HELZ: variants seen among roughly 807,000 people sequenced by gnomAD.
The protein encoded by HELZ is helicase with zinc finger.
Under a neutral mutation model 218.2 loss-of-function variants are expected in HELZ, and 23 were observed. The observed-to-expected ratio is 0.11, with a 90% CI of 0.08 to 0.15. The LOEUF (loss-of-function observed/expected upper bound fraction) is 0.15, where lower values mean the gene tolerates loss of function less well. Among genes scored for constraint, HELZ ranks in the 10% least tolerant of loss-of-function variants. HELZ has a pLI of 1.00. For synonymous variants in HELZ, 814 were observed against 829.4 expected, an observed-to-expected ratio of 0.98 and a Z score of 0.32; for missense variants, 1,813 against 2,353.7, an observed-to-expected ratio of 0.77 and a Z score of 4.75.
At position 67,078,179 on chromosome 17, in the gene HELZ, A is replaced by G. The variant is rs2036072706; in HGVS notation, c.*73T>C. ...AAAGGGAACTGTGCATCTATAGATGAAGTCCAACTACCTTAATTCTACTGA... is the reference window on the plus strand; with the variant it reads ...AAAGGGAACTGTGCATCTATAGATGGAGTCCAACTACCTTAATTCTACTGA... On this transcript the variant is annotated 3_prime_UTR_variant, in exon 33 of 33. Transcript: ENST00000358691. 1 of 1,007,456 alleles carries G rather than the reference A, an allele frequency of 9.9e-7. No individual in the cohort carries two copies. Among genetic ancestry groups the G allele is most frequent in the African/African-American group, 1.6e-5 (1 of 62,096 alleles). 62.4% of individuals were successfully genotyped at this position (1,007,456 alleles called of 1,614,324 possible).
intron 32 of HELZ, among the ~76,000 whole-genome samples, chr17:67,084,285 A>AT (rs2143560256): frequency 6.6e-6 from 1 of 152,346 alleles, no homozygotes; most frequent in African/African-American, 2.4e-5. Flanking sequence ...TGACATGAGC[A>AT]TTTGCTCAGG....
At chr17:67,238,210 G>A (rs375196984) in intron 3 of HELZ, among the ~76,000 whole-genome samples, 2 of 151,212 alleles carry the variant, frequency 1.3e-5, no homozygotes, top group South Asian at 4.2e-4. Flanking sequence ...GCCAGGCATG[G>A]TGGCAGGCAC....
intron 31 of HELZ, among the ~76,000 whole-genome samples, chr17:67,092,340 C>A (rs1297409706): frequency 6.6e-6 from 1 of 152,042 alleles, no homozygotes; most frequent in South Asian, 2.1e-4. Flanking sequence ...ATAGCTACCC[C>A]CCAAGAAGGG....
At position 67,148,617 on chromosome 17, in the gene HELZ, C is replaced by T; in HGVS notation, c.2573G>A (p.Cys858Tyr). ...LYEHYPAEFP[C>Y]RILLCENYRS... ...GTAGTTCTCACACAGGAGAATCCTA[C>T]ATGGGAACTCAGCAGGGTAATGCTC... Residue 858 changes from cysteine (C) to tyrosine (Y), a missense_variant, in exon 20 of 33, where the codon TGT becomes TAT. Around this residue, in one of 4 missense-constraint regions of HELZ, gnomAD observed 714 missense variants for 1,029.2 expected, o/e 0.69. Coordinates refer to ENST00000358691, the MANE Select transcript of HELZ (RefSeq NM_014877.4). The T allele has an allele frequency of 6.2e-7, 1 of 1,613,774 alleles. No homozygotes were observed. The highest frequency in any genetic ancestry group is 8.5e-7 in the Non-Finnish European group (1 of 1,179,826).
At chr17:67,203,926 G>T (rs2040232918) in intron 5 of HELZ, among the ~76,000 whole-genome samples, 2 of 152,250 alleles carry the variant, frequency 1.3e-5, no homozygotes, top group African/African-American at 4.8e-5. Context: ...ATTGCCCAGT[G>T]GCCACAGAAA....
chr17:67,203,334 G>A lies in HELZ; in HGVS notation c.357C>T (p.Leu119=). 2 of 1,614,050 alleles carry A rather than the reference G, an allele frequency of 1.2e-6. No individual in the cohort carries two copies. The change falls in exon 6 of 33, where the codon CTC becomes CTT. Residue 119 remains leucine, a synonymous_variant. Transcript: ENST00000358691. ...ATCAACATACCAGGGACTCTCCTGT[G>A]AGTGACTTGGCAAGAATGGTGGATA... The part of the protein sequence containing the change: ...QPVSTILAKS[L]TGESLNGMVT...
At position 67,125,286 on chromosome 17, in the gene HELZ, CTATATATATATA is replaced by C. The variant is rs57513241; in HGVS notation, c.3388-1284_3388-1273del. On this transcript the variant is annotated intron_variant, in intron 24 of 32. Coordinates refer to ENST00000358691, the MANE Select transcript of HELZ (RefSeq NM_014877.4). ...GCATGTTCACAGTGATTGGCACCAACTATATATATATATATATATATATATATATATATATAT... is the reference window on the plus strand; with the variant it reads ...GCATGTTCACAGTGATTGGCACCAACTATATATATATATATATATATATAT... 1.8e-3 allele frequency among the ~76,000 whole-genome samples: 124 copies of C among 70,110 alleles called. 2 individuals are homozygous for C. Among genetic ancestry groups the C allele is most frequent in the African/African-American group, 5.6e-3 (72 of 12,784 alleles). The allele number at this position is 70,110 out of a possible 152,430, so 46.0% of individuals were successfully genotyped here.
At chr17:67,193,726 A>C (rs1408767217) in intron 9 of HELZ, among the ~76,000 whole-genome samples, 1 of 152,188 alleles carries the variant, frequency 6.6e-6, no homozygotes, top group Non-Finnish European at 1.5e-5. Context: ...AAAAAAAATA[A>C]ATAGATAAAA....
At chr17:67,145,696 G>C in intron 21 of HELZ, 47 bp downstream of exon 21, 3 of 1,478,606 alleles carry the variant, frequency 2.0e-6, no homozygotes, top group Non-Finnish European at 2.8e-6. Context: ...AAAACTAGAC[G>C]ATGTGACTGA....
chr17:67,208,707 A>G (rs2040369001), intron 5 of HELZ, among the ~76,000 whole-genome samples: 1 of 152,096 alleles, frequency 6.6e-6, no homozygotes, highest in Admixed American at 6.5e-5. Context: ...GCTTGAACCC[A>G]GTAGTTCAAG....
At chr17:67,131,151 G>A (rs2037969678) in intron 23 of HELZ, among the ~76,000 whole-genome samples, 1 of 152,174 alleles carries the variant, frequency 6.6e-6, no homozygotes, top group Non-Finnish European at 1.5e-5. Context: ...ACCTCTCAAA[G>A]TGCTAGGATT....
At chr17:67,084,540 G>C (rs979307966) in intron 32 of HELZ, among the ~76,000 whole-genome samples, 27 of 152,192 alleles carry the variant, frequency 1.8e-4, no homozygotes, top group African/African-American at 6.3e-4. Flanking sequence ...GCGGGCGCCT[G>C]TAGTCCCAGC....
Position 67,071,951 on chromosome 17 carries a change from TTTG to T in HELZ, c.*6298_*6300del, listed in dbSNP as rs1418268544. Reference sequence around the variant, plus strand: ...GGCATGGCAGAGAATCTAAAATAACTTTGTTAACCTGAGAAACACATAATTTGA... The same window carrying T: ...GGCATGGCAGAGAATCTAAAATAACTTTAACCTGAGAAACACATAATTTGA... On this transcript the variant is annotated 3_prime_UTR_variant, in exon 33 of 33. Coordinates refer to ENST00000358691, the MANE Select transcript of HELZ (RefSeq NM_014877.4). 3 of 152,486 alleles carry T rather than the reference TTTG, an allele frequency of 2.0e-5. No individual in the cohort carries two copies. The highest frequency in any genetic ancestry group is 4.4e-5 in the Non-Finnish European group (3 of 68,016). 9.4% of individuals were successfully genotyped at this position (152,486 alleles called of 1,614,324 possible). A position where few individuals can be genotyped will look rare whatever the true frequency, so the allele number is the denominator to read the frequency against.
intron 4 of HELZ, among the ~76,000 whole-genome samples, chr17:67,218,223 C>T (rs950613138): frequency 2.1e-5 from 3 of 143,816 alleles, no homozygotes; most frequent in African/African-American, 5.4e-5. Flanking sequence ...TGAGCCACCA[C>T]GCCCAGCCGG....
At chr17:67,115,929 T>G (rs983185737) in intron 27 of HELZ, among the ~76,000 whole-genome samples, 16 of 152,140 alleles carry the variant, frequency 1.1e-4, no homozygotes, top group Admixed American at 7.2e-4. Flanking sequence ...TTCTTATAAT[T>G]TAGAACTCTT....
Position 67,161,056 on chromosome 17 carries a change from TC to T in HELZ, c.1915del (p.Asp639IlefsTer4), listed in dbSNP as rs1362678540. On this transcript the variant is annotated frameshift_variant, in exon 16 of 33. Transcript: ENST00000358691. LOFTEE classifies it high-confidence loss of function. The stretch of plus-strand genomic sequence containing the variant: ...TTTCTGTTTTGCATTTAGTCGAGGA[TC>T]CAACTGTTCATCCCATTGTCTATGG... The part of the protein sequence containing the change: ...SPNRQWDEQL[D>X]PRLNAKQKEA... 1 of 1,610,662 alleles carries T rather than the reference TC, an allele frequency of 6.2e-7. No homozygotes were observed. Among genetic ancestry groups the T allele is most frequent in the Non-Finnish European group, 8.5e-7 (1 of 1,178,576 alleles).
intron 29 of HELZ, 25 bp downstream of exon 29, chr17:67,109,091 C>T: frequency 6.6e-7 from 1 of 1,521,026 alleles, no homozygotes; most frequent in South Asian, 1.2e-5. Context: ...TCTGAATTTT[C>T]ACATCTGGCA....
intron 5 of HELZ, among the ~76,000 whole-genome samples, chr17:67,214,595 A>C (rs2040546916): frequency 1.3e-5 from 2 of 151,780 alleles, no homozygotes; most frequent in South Asian, 4.2e-4. Context: ...AACACAAAGG[A>C]GTAAGCAGGG....
At chr17:67,125,648 A>T (rs780017647) in intron 24 of HELZ, among the ~76,000 whole-genome samples, 39 of 152,136 alleles carry the variant, frequency 2.6e-4, no homozygotes, top group Non-Finnish European at 4.9e-4. Flanking sequence ...ATTTAATCAG[A>T]GTGTGGCAGG....
Sources: gnomAD v4.1 joint callset for allele counts (sites outside exome capture counted in the v4.1 genomes callset) on GRCh38, gnomAD v4.1.1 for gene constraint, gnomAD v4.1.1 regional missense constraint, MANE v1.5 for transcripts, NCBI Gene and HGNC (gene_info 2026-07-23, HGNC 2026-07-21) for gene names.